AR: variants seen among roughly 807,000 people sequenced by gnomAD.
AR encodes androgen receptor.
AR carries 8 observed loss-of-function variants against 53.9 expected under a neutral mutation model. The ratio of observed to expected loss-of-function variants is 0.15; its 90% CI spans 0.09 to 0.27. The LOEUF (loss-of-function observed/expected upper bound fraction) is 0.27. Among genes scored for constraint, AR ranks in the 10% least tolerant of loss-of-function variants. AR has a pLI of 1.00. For synonymous variants in AR, 359 were observed against 316.4 expected (o/e 1.13, Z -1.43); for missense variants, 639 against 742.5 (o/e 0.86, Z 1.62).
At chrX:67,709,685 C>T (rs960743475) in intron 3 of AR, among the ~76,000 whole-genome samples, 10 of 112,163 alleles carry the variant, frequency 8.9e-5, no homozygotes, top group Admixed American at 2.8e-4. Context: ...GAGATGAACC[C>T]GGTACCTCAG....
chrX:67,662,349 C>A (rs746564769), intron 2 of AR, among the ~76,000 whole-genome samples: 7,285 of 109,909 alleles, frequency 0.066, 662 homozygotes, highest in African/African-American at 0.23. Context: ...ATTTCCCTCT[C>A]CACACTGCTT....
At chrX:67,562,736 A>G (rs996430881) in intron 1 of AR, among the ~76,000 whole-genome samples, 1 of 111,392 alleles carries the variant, frequency 9.0e-6, no homozygotes, top group Non-Finnish European at 1.9e-5. Context: ...TACAAGCAGC[A>G]CCACAATAGG....
intron 1 of AR, among the ~76,000 whole-genome samples, chrX:67,554,441 C>T (rs757041712): frequency 3.9e-4 from 43 of 111,624 alleles, no homozygotes; most frequent in African/African-American, 1.4e-3. Context: ...GGATGTACTC[C>T]ATAGCCATGA....
At chrX:67,693,037 C>A (rs1413904194) in intron 3 of AR, among the ~76,000 whole-genome samples, 1 of 112,797 alleles carries the variant, frequency 8.9e-6, no homozygotes, top group Admixed American at 9.4e-5. Flanking sequence ...CTTAATTCCT[C>A]CAAACCAAAT....
chrX:67,704,560 G>A (rs1270225305), intron 3 of AR, among the ~76,000 whole-genome samples: 1 of 111,675 alleles, frequency 9.0e-6, no homozygotes, highest in Non-Finnish European at 1.9e-5. Context: ...TTTGTCAGAT[G>A]AGTAGATGGA....
At chrX:67,692,170 C>A (rs1414425207) in intron 3 of AR, among the ~76,000 whole-genome samples, 2 of 111,916 alleles carry the variant, frequency 1.8e-5, no homozygotes, top group African/African-American at 6.5e-5. Flanking sequence ...GATTGAATCC[C>A]CTCTACTTCC....
At position 67,724,479 on chromosome X, in the gene AR, C is replaced by T. The variant is rs1469119658; in HGVS notation, c.*638C>T. ...GGGGAGTTACTGATTTTTTCATCTC[C>T]TCCCTCCACGGGAGACTTTATTTTC... is the stretch of plus-strand genomic sequence containing the variant. On this transcript the variant is annotated 3_prime_UTR_variant, in exon 8 of 8. Transcript: ENST00000374690. The T allele has an allele frequency of 5.8e-6, 1 of 173,158 alleles. No individual in the cohort carries two copies. Among genetic ancestry groups the T allele is most frequent in the Admixed American group, 8.0e-5 (1 of 12,458 alleles). 14.3% of individuals were successfully genotyped at this position (173,158 alleles called of 1,213,427 possible). A position where few individuals can be genotyped will look rare whatever the true frequency, so the allele number is the denominator to read the frequency against.
intron 2 of AR, among the ~76,000 whole-genome samples, chrX:67,679,433 C>T (rs1373669431): frequency 9.0e-6 from 1 of 111,546 alleles, no homozygotes; most frequent in Non-Finnish European, 1.9e-5. Flanking sequence ...TCAAATGTTT[C>T]CAACTTTTTC....
chrX:67,681,105 A>G (rs2075931035), intron 2 of AR: 1 of 131,057 alleles, frequency 7.6e-6, no homozygotes, highest in African/African-American at 3.2e-5. Context: ...CTTCAACATG[A>G]GAAGATTTTT....
At chrX:67,721,345 C>G (rs1271751964) in intron 5 of AR, among the ~76,000 whole-genome samples, 1 of 112,145 alleles carries the variant, frequency 8.9e-6, no homozygotes, top group Non-Finnish European at 1.9e-5. Flanking sequence ...TGACCAAACA[C>G]TTCGGGTCAT....
chrX:67,594,151 C>A (rs754077009), intron 1 of AR, among the ~76,000 whole-genome samples: 30 of 111,740 alleles, frequency 2.7e-4, no homozygotes, highest in Middle Eastern at 4.6e-3. Flanking sequence ...GCACCACACT[C>A]TCTGCAATTT....
At chrX:67,662,891 T>C (rs1007337830) in intron 2 of AR, among the ~76,000 whole-genome samples, 2 of 111,714 alleles carry the variant, frequency 1.8e-5, no homozygotes, top group Admixed American at 9.5e-5. Context: ...GCCTTCTTTG[T>C]CTCTTTTGAT....
intron 1 of AR, among the ~76,000 whole-genome samples, chrX:67,622,489 A>G (rs754390596): frequency 8.9e-6 from 1 of 112,014 alleles, no homozygotes; most frequent in South Asian, 3.7e-4. Flanking sequence ...TTTTGCTACT[A>G]CCACTCCAGC....
At chrX:67,695,864 G>A (rs2076018237) in intron 3 of AR, 6 of 747,861 alleles carry the variant, frequency 8.0e-6, no homozygotes, top group Non-Finnish European at 9.4e-6. Context: ...TCTTTCCCCT[G>A]ACTCAGCAAC....
At chrX:67,626,086 CTCTT>C (rs1401079020) in intron 1 of AR, among the ~76,000 whole-genome samples, 2 of 111,204 alleles carry the variant, frequency 1.8e-5, no homozygotes, top group Non-Finnish European at 3.8e-5. Flanking sequence ...TCCAATTATA[CTCTT>C]TTAGTTATTT....
intron 2 of AR, among the ~76,000 whole-genome samples, chrX:67,651,291 C>T (rs1433435867): frequency 9.2e-6 from 1 of 108,624 alleles, no homozygotes; most frequent in Non-Finnish European, 1.9e-5. Context: ...TCGTGATCCA[C>T]CCACCTCAGC....
intron 3 of AR, among the ~76,000 whole-genome samples, chrX:67,706,552 G>A (rs757395572): frequency 1.8e-5 from 2 of 110,427 alleles, no homozygotes; most frequent in East Asian, 2.9e-4. Flanking sequence ...TTCTTTATTA[G>A]TCTTGCCAGC....
chrX:67,661,394 A>G (rs1926908308), intron 2 of AR, among the ~76,000 whole-genome samples: 1 of 111,247 alleles, frequency 9.0e-6, no homozygotes, highest in African/African-American at 3.3e-5. Context: ...TCCCATCAAT[A>G]ACTAATTTAT....
In AR at chrX:67,656,492, A is replaced by C. The variant is rs145440746; in HGVS notation, c.1768+13085A>C. On this transcript the variant is annotated intron_variant, in intron 2 of 7. Coordinates refer to ENST00000374690, the MANE Select transcript of AR (RefSeq NM_000044.6). The stretch of plus-strand genomic sequence containing the variant: ...TATCAGCAGGTTTGGAAGCCTTAAC[A>C]ACAACAACAAAAACAATAATAATGG... Among the ~76,000 whole-genome samples the C allele has an allele frequency of 5.3e-3, 593 of 111,744 alleles. 1 individual carries two copies. Among genetic ancestry groups the C allele is most frequent in the Non-Finnish European group, 8.1e-3 (432 of 53,121 alleles).
Sources: gnomAD v4.1 joint callset for allele counts (sites outside exome capture counted in the v4.1 genomes callset) on GRCh38, gnomAD v4.1.1 for gene constraint, MANE v1.5 for transcripts, NCBI Gene and HGNC (gene_info 2026-07-23, HGNC 2026-07-21) for gene names.